The following L2HGDH variants were observed in gnomAD, a reference collection of about 807,000 sequenced individuals.
L2HGDH encodes L-2-hydroxyglutarate dehydrogenase.
L2HGDH carries 34 observed loss-of-function variants against 51.5 expected under a neutral mutation model. The ratio of observed to expected loss-of-function variants is 0.66; its 90% CI spans 0.50 to 0.88. The LOEUF is 0.88. L2HGDH is among the 40% of genes least tolerant of loss of function. L2HGDH has a pLI of 0.00. For synonymous variants in L2HGDH, 198 were observed against 197.9 expected (o/e 1.00, Z -0.01); for missense variants, 558 against 571.9 (o/e 0.98, Z 0.25).
At chr14:50,294,007 G>A (rs1486447706) in intron 4 of L2HGDH, 108 bp downstream of exon 4, 3 of 1,302,000 alleles carry the variant, frequency 2.3e-6, no homozygotes, top group Middle Eastern at 2.2e-4. Flanking sequence ...TCTGTGACAG[G>A]ATTATCTAAC....
At position 50,244,693 on chromosome 14, in the gene L2HGDH, G is replaced by A. The variant is rs1308555083; in HGVS notation, c.*2365C>T. 3 of 985,308 alleles carry A rather than the reference G, an allele frequency of 3.0e-6. No individual in the cohort carries two copies. Among genetic ancestry groups the A allele is most frequent in the South Asian group, 4.7e-5 (1 of 21,294 alleles). 61.0% of individuals were successfully genotyped at this position (985,308 alleles called of 1,614,324 possible). On this transcript the variant is annotated 3_prime_UTR_variant, in exon 10 of 10. Transcript: ENST00000267436. ...CTTCTTAAACATGAGCTGATGAAGT[G>A]TAGCCTTTCAAATTAATGGATGAGG...
At chr14:50,282,552 T>C in intron 5 of L2HGDH, 1 of 456,006 alleles carries the variant, frequency 2.2e-6, no homozygotes. Context: ...TAATTAACTA[T>C]GTGGGCTTTA....
Position 50,243,476 on chromosome 14 carries a change from C to A in L2HGDH, c.*3582G>T, listed in dbSNP as rs1887875337. ...ACTAAAAAATATGTTCTCTACAACA[C>A]CAAGGCTCATTAAAATATTTTAAAT... On this transcript the variant is annotated 3_prime_UTR_variant, in exon 10 of 10. Coordinates refer to ENST00000267436, the MANE Select transcript of L2HGDH (RefSeq NM_024884.3). 2 of 788,036 alleles carry A rather than the reference C, an allele frequency of 2.5e-6. No individual in the cohort carries two copies. Among genetic ancestry groups the A allele is most frequent in the South Asian group, 5.9e-5 (1 of 17,018 alleles). The allele number at this position is 788,036 out of a possible 1,614,324, so 48.8% of individuals were successfully genotyped here.
At chr14:50,274,465 A>G (rs1003378397) in intron 6 of L2HGDH, among the ~76,000 whole-genome samples, 1 of 151,830 alleles carries the variant, frequency 6.6e-6, no homozygotes, top group East Asian at 1.9e-4. Flanking sequence ...GACAAAAGAA[A>G]ACAAGCATTG....
Position 50,247,221 on chromosome 14 carries a change from T to A in L2HGDH, c.1229A>T (p.Asp410Val). 1 of 1,614,034 alleles carries A rather than the reference T, an allele frequency of 6.2e-7. No homozygotes were observed. Among genetic ancestry groups the A allele is most frequent in the Non-Finnish European group, 8.5e-7 (1 of 1,179,984 alleles). Reference sequence around the variant, plus strand: ...ATCTTCTACCAGATTTCCATCTCTATCCAGGGCCTGGGCTCTTACTCCAGC... The same window carrying A: ...ATCTTCTACCAGATTTCCATCTCTAACCAGGGCCTGGGCTCTTACTCCAGC... ...GPAGVRAQAL[D>V]RDGNLVEDFV... is the part of the protein sequence containing the mutation. The change falls in exon 10 of 10, where the codon GAT (aspartate) becomes GTT (valine). Residue 410 changes from aspartate (D) to valine (V), a missense_variant. Asp to Val is a radical substitution (Grantham distance 152, BLOSUM62 -3). Coordinates refer to ENST00000267436, the MANE Select transcript of L2HGDH (RefSeq NM_024884.3).
At chr14:50,293,312 C>T (rs12894758) in intron 4 of L2HGDH, 176,254 of 701,472 alleles carry the variant, frequency 0.25, 24,141 homozygotes, top group South Asian at 0.31. Context: ...CACCTTGACC[C>T]CTAACTTATA....
intron 9 of L2HGDH, among the ~76,000 whole-genome samples, chr14:50,249,134 G>A (rs1400525378): frequency 6.6e-6 from 1 of 152,152 alleles, no homozygotes; most frequent in Admixed American, 6.5e-5. Flanking sequence ...AGCTAGACAG[G>A]AAGCATCCAT....
chr14:50,289,169 T>C (rs1890729038), intron 4 of L2HGDH, among the ~76,000 whole-genome samples: 1 of 152,138 alleles, frequency 6.6e-6, no homozygotes, highest in Non-Finnish European at 1.5e-5. Flanking sequence ...AAGCATAACA[T>C]CAGTCTAAAC....
chr14:50,287,724 G>T (rs1890643279), intron 4 of L2HGDH, among the ~76,000 whole-genome samples: 1 of 113,276 alleles, frequency 8.8e-6, no homozygotes. Context: ...TTGAGACAGA[G>T]TCTCACTCTG....
chr14:50,269,216 AATCTCC>A lies in L2HGDH; in HGVS notation c.847_852del (p.Gly283_Asp284del). ...CATTTTTCTGGCTTCAAAAGCAGGT[AATCTCC>A]CCGGAATGGTACAATTCGAGGATCA... On this transcript the variant is annotated inframe_deletion, in exon 7 of 10. Transcript: ENST00000267436. 6.2e-7 allele frequency: 1 copy of A among 1,614,024 alleles called. No homozygotes were observed. The highest frequency in any genetic ancestry group is 8.5e-7 in the Non-Finnish European group (1 of 1,179,940).
chr14:50,261,312 CT>C (rs1055977827), intron 9 of L2HGDH, among the ~76,000 whole-genome samples: 5 of 152,166 alleles, frequency 3.3e-5, no homozygotes, highest in African/African-American at 1.2e-4. Context: ...ATGAAAACAT[CT>C]TGCCTGAAAG....
intron 9 of L2HGDH, among the ~76,000 whole-genome samples, chr14:50,261,275 T>C (rs1889004837): frequency 6.6e-6 from 1 of 152,222 alleles, no homozygotes; most frequent in South Asian, 2.1e-4. Context: ...CACCTTTGTG[T>C]TTCACACACT....
chr14:50,307,458 G>A (rs2139227818), intron 1 of L2HGDH, among the ~76,000 whole-genome samples: 1 of 152,296 alleles, frequency 6.6e-6, no homozygotes, highest in South Asian at 2.1e-4. Flanking sequence ...GATGAATGCT[G>A]GAGGACAGTT....
rs73275189 is a variant in L2HGDH at position 50,271,355 on chromosome 14, G to C, written c.739-2025C>G. On this transcript the variant is annotated intron_variant, in intron 6 of 9. Coordinates refer to ENST00000267436, the MANE Select transcript of L2HGDH (RefSeq NM_024884.3). ...TAATAGAATTTATAAAATGGTACCA[G>C]CATGCAATAACCTAATAGTTCTCTT... Among the ~76,000 whole-genome samples the C allele has an allele frequency of 4.8e-3, 730 of 152,250 alleles. 5 individuals are homozygous for C. The highest frequency in any genetic ancestry group is 0.017 in the African/African-American group (692 of 41,530).
chr14:50,283,872 A>G lies in L2HGDH; in HGVS notation c.702T>C (p.Asp234=), dbSNP rs761134607. 3 of 1,613,854 alleles carry G rather than the reference A, an allele frequency of 1.9e-6. No individual in the cohort carries two copies. Among genetic ancestry groups the G allele is most frequent in the South Asian group, 2.2e-5 (2 of 91,088 alleles). Residue 234 remains aspartate, a splice_region_variant and synonymous_variant, in exon 5 of 10, where the codon GAT becomes GAC. Transcript: ENST00000267436. Reference sequence around the variant, plus strand: ...ATAGAAAAGACAAGGATGGCTTACCATCTATACTTCTTGAAGGACTTTCTT... The same window carrying G: ...ATAGAAAAGACAAGGATGGCTTACCGTCTATACTTCTTGAAGGACTTTCTT... ...MAKESPSRSI[D]GMQYPIVIKN... is the part of the protein sequence containing the mutation.
chr14:50,308,075 G>T (rs1257626014), intron 1 of L2HGDH, among the ~76,000 whole-genome samples: 1 of 152,130 alleles, frequency 6.6e-6, no homozygotes, highest in Non-Finnish European at 1.5e-5. Context: ...ATACATAAAA[G>T]AACTCTCAAA....
At chr14:50,268,493 G>C (rs545356941) in intron 7 of L2HGDH, among the ~76,000 whole-genome samples, 10 of 151,936 alleles carry the variant, frequency 6.6e-5, no homozygotes, top group African/African-American at 2.4e-4. Context: ...CTTACTTCAG[G>C]CTATTCTCGG....
chr14:50,283,069 C>T (rs910900047), intron 5 of L2HGDH, among the ~76,000 whole-genome samples: 7 of 151,596 alleles, frequency 4.6e-5, no homozygotes, highest in Non-Finnish European at 7.4e-5. Flanking sequence ...GGTGTGGTGG[C>T]AAGCACCTAT....
intron 1 of L2HGDH, among the ~76,000 whole-genome samples, chr14:50,309,638 T>A (rs1165274909): frequency 2.0e-5 from 3 of 150,206 alleles, no homozygotes. Flanking sequence ...TATAAAGAGA[T>A]AGGTAACACA....
Sources: gnomAD v4.1 joint callset for allele counts (sites outside exome capture counted in the v4.1 genomes callset) on GRCh38, gnomAD v4.1.1 for gene constraint, MANE v1.5 for transcripts, NCBI Gene and HGNC (gene_info 2026-07-23, HGNC 2026-07-21) for gene names.